The following ARMC2 variants were observed in gnomAD, a reference collection of about 807,000 sequenced individuals.
The protein encoded by ARMC2 is armadillo repeat containing 2.
ARMC2 carries 67 observed loss-of-function variants against 90.3 expected under a neutral mutation model. The observed-to-expected ratio is 0.74, with a 90% confidence interval of 0.61 to 0.91. The LOEUF (loss-of-function observed/expected upper bound fraction) is 0.91. Ranked by LOEUF, ARMC2 falls within the 40% of genes least tolerant of loss-of-function variation. The probability of loss-of-function intolerance (pLI) is 0.00; values close to 1 mark genes in which losing one functional copy is unlikely to be tolerated. For synonymous variants in ARMC2, 393 were observed against 393.0 expected (o/e 1.00, Z 0.00); for missense variants, 920 against 1,030.9 (o/e 0.89, Z 1.47).
Position 108,973,539 on chromosome 6 carries a change from C to T in ARMC2, c.*25C>T, listed in dbSNP as rs116409865. The T allele has an allele frequency of 3.0e-4, 468 of 1,574,968 alleles. 1 individual carries two copies. The African/African-American group carries it at 5.9e-3, about 20-fold the overall frequency. ...ACATGATGCAGATTAACAGTAGAAA[C>T]GAGAACTCACGTCTCCCTCATTCTT... On this transcript the variant is annotated 3_prime_UTR_variant, in exon 18 of 18. Transcript: ENST00000392644.
intron 15 of ARMC2, 88 bp from the exon 16 acceptor site, chr6:108,964,092 T>G (rs1778187709): frequency 6.9e-7 from 1 of 1,456,188 alleles, no homozygotes; most frequent in African/African-American, 1.4e-5. Flanking sequence ...TGCAAGCCAC[T>G]CCCCGTTTCC....
chr6:108,940,892 C>G (rs1284517497), intron 12 of ARMC2, among the ~76,000 whole-genome samples: 1 of 152,066 alleles, frequency 6.6e-6, no homozygotes, highest in Non-Finnish European at 1.5e-5. Context: ...ACTAGTTGTC[C>G]AGCTTGGCAA....
At position 108,854,358 on chromosome 6, in the gene ARMC2, A is replaced by C. The variant is rs1030508078; in HGVS notation, c.91A>C (p.Ser31Arg). ...GCAGAAGACCAGTGCAGAAATCATA[A>C]GTGAAGCAAGAAATGCATTAAGAAC... The part of the protein sequence containing the change: ...SKQKTSAEII[S>R]EARNALRTVR... Residue 31 changes from serine (S) to arginine (R), a missense_variant, in exon 2 of 18, where the codon AGT (serine) becomes CGT (arginine). Physicochemically the swap from Ser to Arg is moderately radical, Grantham distance 110. Transcript: ENST00000392644. The C allele has an allele frequency of 9.9e-6, 16 of 1,612,948 alleles. No homozygotes were observed. Among genetic ancestry groups the C allele is most frequent in the African/African-American group, 2.7e-5 (2 of 74,628 alleles).
chr6:109,007,174 T>C, the ARMC2 span, among the ~76,000 whole-genome samples: 1 of 152,214 alleles, frequency 6.6e-6, no homozygotes, highest in Non-Finnish European at 1.5e-5. Context: ...AAAACACTAA[T>C]TTTCAGAGTG....
intron 10 of ARMC2, among the ~76,000 whole-genome samples, chr6:108,927,133 A>G (rs1775168585): frequency 6.6e-6 from 1 of 152,100 alleles, no homozygotes; most frequent in African/African-American, 2.4e-5. Flanking sequence ...ACATGTTTCC[A>G]TTTGCTACAC....
chr6:108,877,086 A>G (rs951489506), intron 5 of ARMC2, among the ~76,000 whole-genome samples: 1 of 152,240 alleles, frequency 6.6e-6, no homozygotes, highest in Non-Finnish European at 1.5e-5. Context: ...CCAGCCAGTA[A>G]TGATGCTAAG....
intron 5 of ARMC2, among the ~76,000 whole-genome samples, chr6:108,879,255 T>C (rs1777251809): frequency 6.7e-6 from 1 of 149,824 alleles, no homozygotes; most frequent in Non-Finnish European, 1.5e-5. Context: ...CATTCACCCA[T>C]CCATCCACCT....
the ARMC2 span, among the ~76,000 whole-genome samples, chr6:108,985,536 T>A: frequency 6.6e-6 from 1 of 152,224 alleles, no homozygotes; most frequent in East Asian, 1.9e-4. Context: ...AACATTAACT[T>A]TGTATCACAT....
At chr6:108,898,914 C>T (rs1457484878) in intron 6 of ARMC2, among the ~76,000 whole-genome samples, 1 of 152,174 alleles carries the variant, frequency 6.6e-6, no homozygotes, top group African/African-American at 2.4e-5. Flanking sequence ...TAGTATCACA[C>T]AGGCATGAGA....
At chr6:108,908,334 G>A (rs1012555829) in intron 8 of ARMC2, among the ~76,000 whole-genome samples, 3 of 152,194 alleles carry the variant, frequency 2.0e-5, no homozygotes, top group East Asian at 1.9e-4. Context: ...CCCTCCCCAG[G>A]CCCCTCCAGC....
rs139642966 is a variant in ARMC2 at position 108,891,213 on chromosome 6, C to T, written c.672-3254C>T. On this transcript the variant is annotated intron_variant, in intron 5 of 17. Coordinates refer to ENST00000392644, the MANE Select transcript of ARMC2 (RefSeq NM_032131.6). ...TGTGAACAGTGCTGCAATATGCATA[C>T]GTGTGCATGTGTCATTATAGTAGAA... Among the ~76,000 whole-genome samples, 818 of 152,310 alleles carry T rather than the reference C, an allele frequency of 5.4e-3. 6 individuals carry two copies. In the Middle Eastern group the frequency reaches 0.071, roughly 13 times the overall value.
At chr6:108,963,529 G>T (rs1484736131) in intron 15 of ARMC2, among the ~76,000 whole-genome samples, 1 of 152,226 alleles carries the variant, frequency 6.6e-6, no homozygotes, top group African/African-American at 2.4e-5. Flanking sequence ...TGCACGTACT[G>T]TGGGAGGAGG....
intron 10 of ARMC2, among the ~76,000 whole-genome samples, chr6:108,924,878 C>T (rs1243491196): frequency 6.6e-6 from 1 of 152,016 alleles, no homozygotes; most frequent in Non-Finnish European, 1.5e-5. Context: ...ATGAAGTGAG[C>T]TTAAACTGAA....
intron 11 of ARMC2, among the ~76,000 whole-genome samples, chr6:108,928,990 A>C (rs915031560): frequency 6.6e-5 from 10 of 152,142 alleles, no homozygotes; most frequent in African/African-American, 2.4e-4. Context: ...TTTTAAATGA[A>C]TGTCAACTTG....
intron 5 of ARMC2, among the ~76,000 whole-genome samples, chr6:108,893,731 T>A (rs1456400656): frequency 6.6e-6 from 1 of 152,176 alleles, no homozygotes; most frequent in East Asian, 1.9e-4. Flanking sequence ...AAGCAGCATA[T>A]AGAGGCCAGG....
At chr6:108,857,192 A>G (rs1774720675) in intron 2 of ARMC2, among the ~76,000 whole-genome samples, 2 of 152,240 alleles carry the variant, frequency 1.3e-5, no homozygotes, top group Admixed American at 6.5e-5. Context: ...GAGTCTTCCT[A>G]GCCATGAAAA....
intron 10 of ARMC2, among the ~76,000 whole-genome samples, chr6:108,920,280 C>T (rs1431980300): frequency 1.3e-5 from 2 of 152,160 alleles, no homozygotes; most frequent in East Asian, 3.9e-4. Context: ...ACCTCCACCT[C>T]CCGGGTTCAA....
intron 1 of ARMC2, among the ~76,000 whole-genome samples, chr6:108,850,891 A>T (rs1276868565): frequency 6.6e-6 from 1 of 152,120 alleles, no homozygotes; most frequent in African/African-American, 2.4e-5. Flanking sequence ...TGGAGTCTGG[A>T]CGAGGGGCAC....
the ARMC2 span, among the ~76,000 whole-genome samples, chr6:108,999,718 C>G: frequency 6.6e-6 from 1 of 152,134 alleles, no homozygotes; most frequent in Admixed American, 6.6e-5. Flanking sequence ...TTTACAGTTT[C>G]TTACAAAGGT....
Sources: allele counts gnomAD v4.1 joint callset (sites outside exome capture counted in the v4.1 genomes callset), GRCh38; gene constraint gnomAD v4.1.1; transcripts MANE v1.5; gene names NCBI Gene and HGNC (gene_info 2026-07-23, HGNC 2026-07-21).